NEXMIF: variants seen among roughly 807,000 people sequenced by gnomAD.
NEXMIF encodes the protein neurite extension and migration factor.
A neutral mutation model predicts 62.1 loss-of-function variants in NEXMIF; 8 were observed. That is an observed-to-expected ratio of 0.13 (90% confidence interval 0.08 to 0.23). The LOEUF (loss-of-function observed/expected upper bound fraction) is 0.23. Among genes scored for constraint, NEXMIF ranks in the 10% least tolerant of loss-of-function variants. The pLI is 1.00. For missense variants in NEXMIF, 976 were observed against 1,113.3 expected (o/e 0.88, Z 1.75); for synonymous variants, 404 against 416.6 (o/e 0.97, Z 0.37).
intron 1 of NEXMIF, among the ~76,000 whole-genome samples, chrX:74,747,011 G>A (rs1435255659): frequency 8.9e-6 from 1 of 112,055 alleles, no homozygotes; most frequent in Non-Finnish European, 1.9e-5. Context: ...TTGTCAAGGA[G>A]GGCTCATTTG....
At chrX:74,917,250 G>C (rs1453392189) in intron 1 of NEXMIF, among the ~76,000 whole-genome samples, 1 of 111,129 alleles carries the variant, frequency 9.0e-6, no homozygotes, top group Non-Finnish European at 1.9e-5. Flanking sequence ...TTGTTTAAAA[G>C]TGTGTAGCAC....
intron 1 of NEXMIF, among the ~76,000 whole-genome samples, chrX:74,873,778 C>A (rs186221886): frequency 8.9e-6 from 1 of 112,024 alleles, no homozygotes; most frequent in African/African-American, 3.2e-5. Flanking sequence ...TTTTTGGCTG[C>A]ATAAATGTCT....
chrX:74,833,912 G>A (rs1470047344), intron 1 of NEXMIF, among the ~76,000 whole-genome samples: 1 of 110,331 alleles, frequency 9.1e-6, no homozygotes, highest in Non-Finnish European at 1.9e-5. Flanking sequence ...TTGGGAGGCC[G>A]AGGCAGGCAG....
intron 1 of NEXMIF, among the ~76,000 whole-genome samples, chrX:74,793,984 T>C (rs1432373886): frequency 2.7e-4 from 23 of 84,682 alleles, no homozygotes; most frequent in Non-Finnish European, 3.1e-4. Flanking sequence ...CTCGTCAAAG[T>C]CATTCTCCAC....
intron 1 of NEXMIF, among the ~76,000 whole-genome samples, chrX:74,827,856 C>T (rs1250767757): frequency 8.9e-6 from 1 of 111,808 alleles, no homozygotes; most frequent in African/African-American, 3.3e-5. Flanking sequence ...CCTCTCCAAC[C>T]CACCCCATCC....
intron 1 of NEXMIF, among the ~76,000 whole-genome samples, chrX:74,797,860 C>T (rs2080317070): frequency 2.7e-5 from 3 of 111,866 alleles, no homozygotes; most frequent in Non-Finnish European, 5.6e-5. Flanking sequence ...ACCAGCAATC[C>T]CAGAGAGATG....
At chrX:74,757,545 CA>C (rs1311258537) in intron 1 of NEXMIF, among the ~76,000 whole-genome samples, 1 of 111,983 alleles carries the variant, frequency 8.9e-6, no homozygotes, top group Non-Finnish European at 1.9e-5. Flanking sequence ...TCCTGTCCTT[CA>C]ATATTCTAAC....
chrX:74,914,273 G>A (rs1602276325), intron 1 of NEXMIF, among the ~76,000 whole-genome samples: 1 of 112,121 alleles, frequency 8.9e-6, no homozygotes, highest in East Asian at 2.8e-4. Context: ...TCAGTTTTTA[G>A]TTTAAAAAAC....
chrX:74,890,009 CCTCTCTCT>C (rs72396692), intron 1 of NEXMIF, among the ~76,000 whole-genome samples: 9 of 95,477 alleles, frequency 9.4e-5, no homozygotes, highest in Non-Finnish European at 1.3e-4. Flanking sequence ...TCTCTCTCTC[CCTCTCTCT>C]CTCTCTCTCT....
intron 1 of NEXMIF, among the ~76,000 whole-genome samples, chrX:74,793,881 A>AT (rs1175897514): frequency 2.7e-5 from 2 of 74,832 alleles, no homozygotes; most frequent in Non-Finnish European, 5.2e-5. Flanking sequence ...ATTCTTCTAA[A>AT]TTTTTTTCAA....
chrX:74,924,149 C>T (rs999063085), intron 1 of NEXMIF, among the ~76,000 whole-genome samples: 12 of 111,700 alleles, frequency 1.1e-4, no homozygotes, highest in Non-Finnish European at 3.8e-5. Context: ...CTCCGCTCCC[C>T]GCGCCGGCTC....
chrX:74,839,783 G>A (rs1247120583), intron 1 of NEXMIF, among the ~76,000 whole-genome samples: 8 of 112,395 alleles, frequency 7.1e-5, no homozygotes, highest in African/African-American at 2.6e-4. Flanking sequence ...TATGGTGTAT[G>A]TGTATCACAT....
chrX:74,822,825 C>T (rs2080401562), intron 1 of NEXMIF, among the ~76,000 whole-genome samples: 1 of 112,029 alleles, frequency 8.9e-6, no homozygotes, highest in Admixed American at 9.5e-5. Flanking sequence ...TTGGTAATTT[C>T]TTATAAAGTT....
chrX:74,902,222 GGA>G (rs757201188), intron 1 of NEXMIF, among the ~76,000 whole-genome samples: 84 of 109,726 alleles, frequency 7.7e-4, no homozygotes, highest in South Asian at 2.4e-3. Context: ...TAAAGAAAAT[GGA>G]GAGTTTTTTC....
At chrX:74,886,049 A>T (rs904787242) in intron 1 of NEXMIF, among the ~76,000 whole-genome samples, 4 of 112,264 alleles carry the variant, frequency 3.6e-5, no homozygotes, top group Admixed American at 2.8e-4. Context: ...GACAAAAACC[A>T]CATGGTTATC....
At chrX:74,877,420 A>G (rs1194866149) in intron 1 of NEXMIF, among the ~76,000 whole-genome samples, 3 of 111,204 alleles carry the variant, frequency 2.7e-5, no homozygotes, top group Non-Finnish European at 5.7e-5. Context: ...GGCTGCCCTT[A>G]GCATTTTTTC....
intron 1 of NEXMIF, among the ~76,000 whole-genome samples, chrX:74,779,523 G>T (rs1179348297): frequency 9.0e-6 from 1 of 111,159 alleles, no homozygotes; most frequent in Non-Finnish European, 1.9e-5. Context: ...CTATAATCTG[G>T]CTCTATCATA....
At chrX:74,922,339 T>TGTATGG (rs1002966110) in intron 1 of NEXMIF, among the ~76,000 whole-genome samples, 1 of 2,849 alleles carries the variant, frequency 3.5e-4, no homozygotes, top group Admixed American at 2.8e-3. Context: ...GTGTTATGGG[T>TGTATGG]GTGTGTGTGT....
chrX:74,922,599 T>C (rs2080830659), intron 1 of NEXMIF, among the ~76,000 whole-genome samples: 1 of 112,134 alleles, frequency 8.9e-6, no homozygotes, highest in Non-Finnish European at 1.9e-5. Context: ...ACAATAGCTA[T>C]TTGGTGAAGG....
Sources: gnomAD v4.1 joint callset for allele counts (sites outside exome capture counted in the v4.1 genomes callset) on GRCh38, gnomAD v4.1.1 for gene constraint, MANE v1.5 for transcripts, NCBI Gene and HGNC (gene_info 2026-07-23, HGNC 2026-07-21) for gene names.